Variants in DGKI observed in about 807,000 individuals in gnomAD.
DGKI encodes the protein DAG kinase iota.
In DGKI, 55 loss-of-function variants were observed where a neutral mutation model predicts 147.5. The ratio of observed to expected loss-of-function variants is 0.37; its 90% confidence interval spans 0.30 to 0.47. The LOEUF (loss-of-function observed/expected upper bound fraction) is 0.47. DGKI is among the 20% of genes least tolerant of loss of function. DGKI has a pLI of 1.00. For missense variants in DGKI, 1,007 were observed against 1,323.8 expected (o/e 0.76, Z 3.71); for synonymous variants, 469 against 477.1 (o/e 0.98, Z 0.22).
At chr7:137,836,669 GC>G (rs1401783974) in intron 1 of DGKI, among the ~76,000 whole-genome samples, 1 of 152,026 alleles carries the variant, frequency 6.6e-6, no homozygotes, top group Non-Finnish European at 1.5e-5. Flanking sequence ...TCATTTCTTG[GC>G]CCCAGGAAAC....
chr7:137,711,750 G>C (rs1268100331), intron 1 of DGKI, among the ~76,000 whole-genome samples: 1 of 138,816 alleles, frequency 7.2e-6, no homozygotes, highest in Non-Finnish European at 1.5e-5. Context: ...CTGGAGTGCA[G>C]TGGTGCAATC....
At chr7:137,784,211 T>C (rs1471431478) in intron 1 of DGKI, among the ~76,000 whole-genome samples, 7 of 152,182 alleles carry the variant, frequency 4.6e-5, no homozygotes, top group African/African-American at 1.7e-4. Flanking sequence ...ACCAAGTTTC[T>C]GCTGTCTTCA....
intron 1 of DGKI, among the ~76,000 whole-genome samples, chr7:137,754,459 G>GC (rs1795617894): frequency 6.6e-6 from 1 of 152,300 alleles, no homozygotes; most frequent in Non-Finnish European, 1.5e-5. Flanking sequence ...GACCAGCTCA[G>GC]GGTTTCCCAC....
chr7:137,565,058 T>G (rs1229738923), intron 19 of DGKI, among the ~76,000 whole-genome samples: 1 of 152,240 alleles, frequency 6.6e-6, no homozygotes, highest in Non-Finnish European at 1.5e-5. Flanking sequence ...AATGCTTATG[T>G]CATTGTAATT....
chr7:137,398,525 G>A (rs929851137), intron 30 of DGKI, among the ~76,000 whole-genome samples: 3 of 152,160 alleles, frequency 2.0e-5, no homozygotes, highest in South Asian at 4.1e-4. Context: ...TTAGAAAGAC[G>A]ATCCTGGGAA....
intron 27 of DGKI, among the ~76,000 whole-genome samples, chr7:137,449,705 A>T (rs1377399987): frequency 6.6e-6 from 1 of 152,218 alleles, no homozygotes; most frequent in Non-Finnish European, 1.5e-5. Flanking sequence ...CAACCTACAT[A>T]ATATGAAGTT....
At chr7:137,796,855 T>A (rs778279414) in intron 1 of DGKI, among the ~76,000 whole-genome samples, 5 of 151,978 alleles carry the variant, frequency 3.3e-5, no homozygotes, top group Non-Finnish European at 7.4e-5. Flanking sequence ...CAAGGAGAGT[T>A]CCAGAAGGAG....
intron 3 of DGKI, among the ~76,000 whole-genome samples, chr7:137,663,845 A>G (rs1439527067): frequency 2.6e-5 from 4 of 152,120 alleles, no homozygotes; most frequent in Non-Finnish European, 4.4e-5. Flanking sequence ...ACTGCCTGAC[A>G]CAGTTATTCT....
At chr7:137,463,690 TC>T in intron 26 of DGKI, 79 bp from the exon 27 acceptor site, 2 of 1,547,768 alleles carry the variant, frequency 1.3e-6, no homozygotes, top group South Asian at 2.4e-5. Context: ...TGAAGATGAA[TC>T]TTGCCAGTAA....
chr7:137,778,691 T>C (rs1796435321), intron 1 of DGKI, among the ~76,000 whole-genome samples: 3 of 152,156 alleles, frequency 2.0e-5, no homozygotes, highest in African/African-American at 4.8e-5. Context: ...CTGCAATGAA[T>C]GAAATTTGCA....
In DGKI at chr7:137,473,286, C is replaced by T. The variant is rs116054621; in HGVS notation, c.2374-3667G>A. Among the ~76,000 whole-genome samples, 303 of 152,184 alleles carry T rather than the reference C, an allele frequency of 2.0e-3. 1 individual carries two copies. The highest frequency in any genetic ancestry group is 6.9e-3 in the African/African-American group (285 of 41,540). The stretch of plus-strand genomic sequence containing the variant: ...TAACTCAATGTTCTTAAAGAGGTTT[C>T]GTCTAAAGATAACATTACAATTTTG... On this transcript the variant is annotated intron_variant, in intron 23 of 32. Transcript: ENST00000614521.
intron 28 of DGKI, among the ~76,000 whole-genome samples, chr7:137,433,051 A>G (rs994983704): frequency 3.3e-5 from 5 of 152,232 alleles, no homozygotes; most frequent in East Asian, 3.8e-4. Context: ...GGCACCCAAA[A>G]TGAACCCAGA....
At chr7:137,417,967 T>C (rs1812420829) in intron 28 of DGKI, among the ~76,000 whole-genome samples, 1 of 152,166 alleles carries the variant, frequency 6.6e-6, no homozygotes, top group South Asian at 2.1e-4. Flanking sequence ...TTAAACATGA[T>C]CCAGTCTAAG....
chr7:137,476,208 T>G (rs1333924832), intron 23 of DGKI, among the ~76,000 whole-genome samples: 1 of 152,208 alleles, frequency 6.6e-6, no homozygotes, highest in Non-Finnish European at 1.5e-5. Flanking sequence ...GTCTTCCACC[T>G]ACAGCTTCTG....
intron 20 of DGKI, among the ~76,000 whole-genome samples, chr7:137,522,675 C>T (rs28711988): frequency 0.092 from 14,029 of 152,106 alleles, 1,400 homozygotes; most frequent in African/African-American, 0.24. Flanking sequence ...AATGGTGCAG[C>T]ACCAAACTTT....
intron 1 of DGKI, among the ~76,000 whole-genome samples, chr7:137,768,691 G>T (rs1406956604): frequency 6.6e-6 from 1 of 152,120 alleles, no homozygotes; most frequent in Non-Finnish European, 1.5e-5. Flanking sequence ...GCCCCATCCT[G>T]CCCTTCTCTG....
chr7:137,759,839 C>T (rs1488616174), intron 1 of DGKI, among the ~76,000 whole-genome samples: 3 of 152,176 alleles, frequency 2.0e-5, no homozygotes, highest in Admixed American at 6.5e-5. Context: ...CCCTCACACA[C>T]ATTTTGAGCA....
intron 20 of DGKI, among the ~76,000 whole-genome samples, chr7:137,546,258 G>A (rs1201898031): frequency 2.0e-5 from 3 of 152,236 alleles, no homozygotes; most frequent in South Asian, 4.2e-4. Context: ...GTCGGGGGGT[G>A]TAGGGGGATG....
At chr7:137,658,278 C>T (rs1172625268) in intron 3 of DGKI, among the ~76,000 whole-genome samples, 4 of 152,186 alleles carry the variant, frequency 2.6e-5, no homozygotes, top group African/African-American at 9.7e-5. Flanking sequence ...TTTTGCTCTA[C>T]AGGGTAGAGC....
Sources: gnomAD v4.1 joint callset for allele counts (sites outside exome capture counted in the v4.1 genomes callset) on GRCh38, gnomAD v4.1.1 for gene constraint, MANE v1.5 for transcripts, NCBI Gene and HGNC (gene_info 2026-07-23, HGNC 2026-07-21) for gene names.